DIP2C: variants seen among roughly 807,000 people sequenced by gnomAD.
The protein encoded by DIP2C is DIP2 acetate--CoA ligase C (putative).
A neutral mutation model predicts 192.4 loss-of-function variants in DIP2C; 33 were observed. That is an observed-to-expected ratio of 0.17 (90% CI 0.13 to 0.23). DIP2C has a LOEUF of 0.23. DIP2C is among the 10% of genes least tolerant of loss of function. The pLI is 1.00. For synonymous variants in DIP2C, 979 were observed against 864.1 expected, an observed-to-expected ratio of 1.13 and a Z score of -2.33; for missense variants, 1,537 against 2,110.1, an observed-to-expected ratio of 0.73 and a Z score of 5.32.
chr10:499,644 T>A (rs1475450316), intron 1 of DIP2C, among the ~76,000 whole-genome samples: 1 of 151,940 alleles, frequency 6.6e-6, no homozygotes, highest in Admixed American at 6.6e-5. Flanking sequence ...AAAAAACAGA[T>A]CTCGTGAGAT....
At chr10:447,197 T>G (rs1968306029) in intron 3 of DIP2C, among the ~76,000 whole-genome samples, 1 of 147,296 alleles carries the variant, frequency 6.8e-6, no homozygotes, top group African/African-American at 2.6e-5. Flanking sequence ...TCACACACAG[T>G]GGAGCAGCAG....
chr10:420,259 C>CACAGAAGAGGT (rs1966091635), intron 5 of DIP2C, among the ~76,000 whole-genome samples: 3 of 152,244 alleles, frequency 2.0e-5, no homozygotes, highest in Non-Finnish European at 4.4e-5. Context: ...ACAGAAGAGG[C>CACAGAAGAGGT]CGTGACAGGA....
At chr10:605,807 T>C (rs1363021789) in intron 1 of DIP2C, among the ~76,000 whole-genome samples, 1 of 152,222 alleles carries the variant, frequency 6.6e-6, no homozygotes, top group Admixed American at 6.5e-5. Flanking sequence ...CTCAGAAGGC[T>C]GGGTAAGCCC....
intron 1 of DIP2C, chr10:667,452 C>G (rs61833029): frequency 6.6e-6 from 1 of 152,278 alleles, no homozygotes; most frequent in Non-Finnish European, 1.5e-5. Context: ...TGGATGCCCC[C>G]GCCTCTCACA....
chr10:303,306 G>T (rs914928788), intron 32 of DIP2C, among the ~76,000 whole-genome samples: 1 of 152,190 alleles, frequency 6.6e-6, no homozygotes. Flanking sequence ...ATCACCGCAC[G>T]TGGCTGTAGA....
rs1392259285 is a variant in DIP2C at position 347,276 on chromosome 10, G to A, written c.3231+1365C>T. ...CACGCACCCAACCCAGACACATCAC[G>A]CATAGTTCTCCCGGGAACCCCACAC... On this transcript the variant is annotated intron_variant, in intron 26 of 36. Coordinates refer to ENST00000280886, the MANE Select transcript of DIP2C (RefSeq NM_014974.3). Among the ~76,000 whole-genome samples, 79 of 114,588 alleles carry A rather than the reference G, an allele frequency of 6.9e-4. 1 individual carries two copies. The highest frequency in any genetic ancestry group is 3.0e-3 in the African/African-American group (77 of 25,834). The allele number at this position is 114,588 out of a possible 152,430, so 75.2% of individuals were successfully genotyped here.
At chr10:370,037 G>A (rs1344754401) in intron 17 of DIP2C, 2 of 985,308 alleles carry the variant, frequency 2.0e-6, no homozygotes, top group Non-Finnish European at 1.2e-6. Context: ...GGAGGGTGGT[G>A]CATCCACTCC....
intron 1 of DIP2C, among the ~76,000 whole-genome samples, chr10:627,058 T>A (rs1433028110): frequency 1.3e-5 from 2 of 152,220 alleles, no homozygotes; most frequent in Non-Finnish European, 2.9e-5. Context: ...ACTGCCTCGC[T>A]CGCCGTACCA....
At chr10:638,749 C>T (rs1588652507) in intron 1 of DIP2C, among the ~76,000 whole-genome samples, 1 of 152,196 alleles carries the variant, frequency 6.6e-6, no homozygotes, top group Non-Finnish European at 1.5e-5. Context: ...GCAATCCTGG[C>T]ATTTATTCAC....
intron 22 of DIP2C, among the ~76,000 whole-genome samples, chr10:361,297 G>C (rs1269854916): frequency 6.6e-6 from 1 of 152,104 alleles, no homozygotes; most frequent in Non-Finnish European, 1.5e-5. Context: ...AAGGAAGAGG[G>C]CTTTCTGCAG....
At chr10:341,714 C>T (rs1003263237) in intron 28 of DIP2C, among the ~76,000 whole-genome samples, 2 of 152,190 alleles carry the variant, frequency 1.3e-5, no homozygotes, top group Admixed American at 6.5e-5. Flanking sequence ...GACAATAAGG[C>T]CAAATGAAAT....
At chr10:292,195 C>G (rs1273722831) in intron 32 of DIP2C, among the ~76,000 whole-genome samples, 1 of 152,246 alleles carries the variant, frequency 6.6e-6, no homozygotes. Context: ...CTTGCTGCCT[C>G]CAACGTGCAT....
At chr10:393,832 A>G (rs1302003660) in intron 10 of DIP2C, among the ~76,000 whole-genome samples, 2 of 150,914 alleles carry the variant, frequency 1.3e-5, no homozygotes, top group East Asian at 3.9e-4. Context: ...AAAGGAAAAA[A>G]AAAAAAAACA....
chr10:370,122 C>T (rs1472966381), intron 17 of DIP2C: 1 of 875,640 alleles, frequency 1.1e-6, no homozygotes, highest in African/African-American at 1.8e-5. Flanking sequence ...ATGCAGACTG[C>T]CTGGGCGTAT....
chr10:592,277 G>A (rs1248775068), intron 1 of DIP2C, among the ~76,000 whole-genome samples: 2 of 152,198 alleles, frequency 1.3e-5, no homozygotes, highest in South Asian at 2.1e-4. Context: ...GTAACAAGGC[G>A]TGACAGTTTG....
rs1012612546 is a variant in DIP2C at position 283,182 on chromosome 10, G to A, written c.4294+90C>T. The A allele has an allele frequency of 6.0e-6, 9 of 1,507,602 alleles. No homozygotes were observed. In the Middle Eastern group the frequency reaches 1.5e-3, roughly 244 times the overall value. 93.4% of individuals were successfully genotyped at this position (1,507,602 alleles called of 1,614,324 possible). ...CACACGTGCCCTCCTGGCTTTGGCT[G>A]CTGTAAACCTTGGGAAAGGCTTCTG... On this transcript the variant is annotated intron_variant, in intron 35 of 36. Coordinates refer to ENST00000280886, the MANE Select transcript of DIP2C (RefSeq NM_014974.3).
At chr10:454,571 C>T (rs1384001274) in intron 3 of DIP2C, among the ~76,000 whole-genome samples, 1 of 121,436 alleles carries the variant, frequency 8.2e-6, no homozygotes, top group Non-Finnish European at 1.5e-5. Flanking sequence ...ACCATCTATG[C>T]TTGATGTCAT....
At chr10:461,340 A>T (rs761179422) in intron 3 of DIP2C, among the ~76,000 whole-genome samples, 12 of 152,244 alleles carry the variant, frequency 7.9e-5, no homozygotes, top group Non-Finnish European at 1.3e-4. Flanking sequence ...CTCAAAATAA[A>T]GGATGGAGGA....
At chr10:373,394 T>C (rs897302982) in intron 17 of DIP2C, among the ~76,000 whole-genome samples, 5 of 152,212 alleles carry the variant, frequency 3.3e-5, no homozygotes, top group Non-Finnish European at 7.3e-5. Flanking sequence ...CAGTTAAGTA[T>C]AAAATATGTA....
Sources: allele counts gnomAD v4.1 joint callset (sites outside exome capture counted in the v4.1 genomes callset), GRCh38; gene constraint gnomAD v4.1.1; transcripts MANE v1.5; gene names NCBI Gene and HGNC (gene_info 2026-07-23, HGNC 2026-07-21).